VWA3B: variants seen among roughly 807,000 people sequenced by gnomAD.
VWA3B encodes the protein von Willebrand factor A domain-containing protein 3B.
Under a neutral mutation model 158.3 loss-of-function variants are expected in VWA3B, and 138 were observed. That is an observed-to-expected ratio of 0.87 (90% CI 0.76 to 1.00). The LOEUF is 1.00. Among genes scored for constraint, VWA3B ranks in the 50% least tolerant of loss-of-function variants. The pLI is 0.00. For synonymous variants in VWA3B, 596 were observed against 587.3 expected, an observed-to-expected ratio of 1.01 and a Z score of -0.21; for missense variants, 1,555 against 1,565.1, an observed-to-expected ratio of 0.99 and a Z score of 0.11.
At chr2:98,207,566 TCA>T (rs754816164) in intron 12 of VWA3B, 215 of 520,106 alleles carry the variant, frequency 4.1e-4, no homozygotes, top group Admixed American at 3.5e-4. Flanking sequence ...GCTGAGGTCA[TCA>T]CAGGTCATAT....
chr2:98,155,102 A>G (rs2105193717), intron 7 of VWA3B, among the ~76,000 whole-genome samples: 1 of 152,362 alleles, frequency 6.6e-6, no homozygotes, highest in African/African-American at 2.4e-5. Flanking sequence ...AAGAGCTCTC[A>G]GCCTTGATAA....
chr2:98,129,364 C>T (rs921691774), intron 6 of VWA3B, among the ~76,000 whole-genome samples: 1 of 150,854 alleles, frequency 6.6e-6, no homozygotes, highest in African/African-American at 2.4e-5. Context: ...GAGAGAGAGA[C>T]AGAGAGACAG....
At position 98,236,398 on chromosome 2, in the gene VWA3B, A is replaced by G. The variant is rs1685684340; in HGVS notation, c.2437A>G (p.Ile813Val). 1.2e-6 allele frequency: 2 copies of G among 1,614,100 alleles called. No individual in the cohort carries two copies. The highest frequency in any genetic ancestry group is 1.7e-6 in the Non-Finnish European group (2 of 1,180,046). Reference protein sequence around the residue: ...RTALSDKEMSILLAEEWLDDK... With the variant: ...RTALSDKEMSVLLAEEWLDDK... ...CACTTCCCCTTCCACAGAAATGAGCATCTTGCTGGCTGAGGAGTGGCTGGA... is the reference window on the plus strand; with the variant it reads ...CACTTCCCCTTCCACAGAAATGAGCGTCTTGCTGGCTGAGGAGTGGCTGGA... The change falls in exon 18 of 28, where the codon ATC becomes GTC. Residue 813 changes from isoleucine to valine, a missense_variant. Physicochemically the swap from Ile to Val is conservative, Grantham distance 29. Coordinates refer to ENST00000477737, the MANE Select transcript of VWA3B (RefSeq NM_144992.5).
chr2:98,236,506 T>A, intron 18 of VWA3B, 29 bp downstream of exon 18: 5 of 1,614,084 alleles, frequency 3.1e-6, no homozygotes, highest in Non-Finnish European at 4.2e-6. Context: ...CAAAGACAGT[T>A]CTGTTATGCT....
At chr2:98,198,113 T>C (rs1312275332) in intron 12 of VWA3B, among the ~76,000 whole-genome samples, 3 of 152,236 alleles carry the variant, frequency 2.0e-5, no homozygotes, top group African/African-American at 4.8e-5. Context: ...TCTGTATTTA[T>C]ATTAAATAAG....
intron 11 of VWA3B, 64 bp from the exon 12 acceptor site, chr2:98,194,297 G>A (rs1681845539): frequency 7.8e-6 from 12 of 1,535,814 alleles, no homozygotes; most frequent in Non-Finnish European, 9.8e-6. Context: ...TCAAACTGTG[G>A]CCTACCCAAA....
intron 4 of VWA3B, among the ~76,000 whole-genome samples, chr2:98,120,160 A>G (rs1368141978): frequency 6.6e-6 from 1 of 152,230 alleles, no homozygotes; most frequent in Admixed American, 6.5e-5. Context: ...TTGCAACTCA[A>G]GTTGACCTCC....
At chr2:98,313,595 C>T (rs575009260), downstream of VWA3B, among the ~76,000 whole-genome samples, 1 of 152,332 alleles carries the variant, frequency 6.6e-6, no homozygotes, top group Non-Finnish European at 1.5e-5. Context: ...TTTATTCATA[C>T]GTGCATGCAT....
At chr2:98,325,174 C>A in the VWA3B span, among the ~76,000 whole-genome samples, 1 of 151,936 alleles carries the variant, frequency 6.6e-6, no homozygotes, top group Non-Finnish European at 1.5e-5. Flanking sequence ...TTTATAGATC[C>A]AAGAAGTTCA....
intron 13 of VWA3B, chr2:98,216,689 C>T (rs752972656): frequency 2.1e-6 from 1 of 471,190 alleles, no homozygotes; most frequent in South Asian, 1.5e-5. Flanking sequence ...TTGGCCTTAT[C>T]CTAGGCTGAC....
intron 7 of VWA3B, among the ~76,000 whole-genome samples, chr2:98,149,304 A>G (rs540696806): frequency 6.6e-6 from 1 of 152,368 alleles, no homozygotes; most frequent in South Asian, 2.1e-4. Flanking sequence ...CAAAACTCAC[A>G]AACAAAGCAA....
intron 22 of VWA3B, among the ~76,000 whole-genome samples, chr2:98,275,466 A>G (rs1173247566): frequency 6.6e-6 from 1 of 150,502 alleles, no homozygotes; most frequent in Non-Finnish European, 1.5e-5. Context: ...GGCCCGGGGT[A>G]GAGAGCCAAG....
chr2:98,225,024 C>G (rs565276102), intron 14 of VWA3B, among the ~76,000 whole-genome samples: 1 of 152,202 alleles, frequency 6.6e-6, no homozygotes, highest in African/African-American at 2.4e-5. Flanking sequence ...ATCTCCACCT[C>G]TATGGTTCAA....
At chr2:98,123,344 C>A (rs1290526005) in intron 5 of VWA3B, among the ~76,000 whole-genome samples, 1 of 152,190 alleles carries the variant, frequency 6.6e-6, no homozygotes, top group Non-Finnish European at 1.5e-5. Flanking sequence ...TTGTCTTGTG[C>A]CCACAAATTA....
intron 19 of VWA3B, among the ~76,000 whole-genome samples, chr2:98,248,867 CTTTCTTTCTTTCTT>C (rs200855323): frequency 1.3e-5 from 1 of 75,086 alleles, no homozygotes; most frequent in East Asian, 3.5e-4. Context: ...TTCTTTCTTT[CTTTCTTTCTTTCTT>C]TCTCTCTTTC....
chr2:98,314,963 T>C (rs1296215436), downstream of VWA3B, among the ~76,000 whole-genome samples: 1 of 144,998 alleles, frequency 6.9e-6, no homozygotes, highest in Non-Finnish European at 1.5e-5. Context: ...AGGAGGTTAC[T>C]CCGGAGCAAG....
At position 98,218,049 on chromosome 2, in the gene VWA3B, G is replaced by C. The variant is rs924515948; in HGVS notation, c.2019+21G>C. On this transcript the variant is annotated intron_variant, in intron 14 of 27. Coordinates refer to ENST00000477737, the MANE Select transcript of VWA3B (RefSeq NM_144992.5). ...TTCAGGTAAGAGCTTGGTGGGCTAAGAAGGGAGTGTTCATTTGTTTGAGCA... is the reference window on the plus strand; with the variant it reads ...TTCAGGTAAGAGCTTGGTGGGCTAACAAGGGAGTGTTCATTTGTTTGAGCA... The C allele has an allele frequency of 3.2e-6, 5 of 1,582,518 alleles. No homozygotes were observed. In the Admixed American group the frequency reaches 9.4e-5, roughly 30 times the overall value.
rs552468187 is a variant in VWA3B at position 98,207,404 on chromosome 2, G to A, written c.1738-4526G>A. The A allele has an allele frequency of 3.6e-4, 174 of 476,770 alleles. 1 individual carries two copies. The highest frequency in any genetic ancestry group is 2.5e-3 in the South Asian group (153 of 61,362). The allele number at this position is 476,770 out of a possible 1,614,324, so 29.5% of individuals were successfully genotyped here. A position where few individuals can be genotyped will look rare whatever the true frequency, so the allele number is the denominator to read the frequency against. ...GGCAATGAGCATAATGATGTTGCCC[G>A]TGGGGTGCAAAAGATTCTGCATGGC... On this transcript the variant is annotated intron_variant, in intron 12 of 27. Coordinates refer to ENST00000477737, the MANE Select transcript of VWA3B (RefSeq NM_144992.5).
At chr2:98,126,680 TG>T (rs1206253187) in intron 5 of VWA3B, among the ~76,000 whole-genome samples, 7 of 152,260 alleles carry the variant, frequency 4.6e-5, no homozygotes, top group African/African-American at 1.7e-4. Context: ...TCCAGTTTAC[TG>T]ACTTGTATAA....
Sources: allele counts gnomAD v4.1 joint callset (sites outside exome capture counted in the v4.1 genomes callset), GRCh38; gene constraint gnomAD v4.1.1; transcripts MANE v1.5; gene names NCBI Gene and HGNC (gene_info 2026-07-23, HGNC 2026-07-21).